The following TMPRSS15 variants were observed in gnomAD, a reference collection of about 807,000 sequenced individuals.
TMPRSS15 encodes enteropeptidase.
TMPRSS15 carries 128 observed loss-of-function variants against 125.3 expected under a neutral mutation model. That is an observed-to-expected ratio of 1.02 (90% CI 0.89 to 1.18). The LOEUF (loss-of-function observed/expected upper bound fraction) is 1.18, where lower values mean the gene tolerates loss of function less well. TMPRSS15 is among the 50% of genes most tolerant of loss of function. The pLI, the probability that TMPRSS15 is intolerant of heterozygous loss-of-function variation, is 0.00. For missense variants in TMPRSS15, 1,283 were observed against 1,212.7 expected (o/e 1.06, Z -0.86); for synonymous variants, 446 against 423.2 (o/e 1.05, Z -0.66).
At chr21:18,405,062 C>A (rs902759273), upstream of TMPRSS15, among the ~76,000 whole-genome samples, 1 of 152,006 alleles carries the variant, frequency 6.6e-6, no homozygotes, top group African/African-American at 2.4e-5. Context: ...TTTGGAAAGC[C>A]AAAGTGAAAG....
chr21:18,447,822 A>G (rs1215562975), intron 1 of TMPRSS15, among the ~76,000 whole-genome samples: 1 of 152,064 alleles, frequency 6.6e-6, no homozygotes, highest in African/African-American at 2.4e-5. Context: ...TCTTTTTTTC[A>G]TAAATTAGCT....
rs546974408 is a variant in TMPRSS15, at chr21:18,443,819, G to T, written c.10+41980C>A. Among the ~76,000 whole-genome samples the T allele has an allele frequency of 2.0e-5, 3 of 152,312 alleles. No homozygotes were observed. In the South Asian group the frequency reaches 6.2e-4, roughly 32 times the overall value. On this transcript the variant is annotated intron_variant, in intron 1 of 7. Coordinates refer to the TMPRSS15 transcript ENST00000422787. The stretch of plus-strand genomic sequence containing the variant: ...TGACACCGGTAGACAAGCAGGCAAT[G>T]CTTTCTAGAGCTTCCAGCTAGCAGT...
At chr21:18,273,274 T>C (rs1294506307) in intron 24 of TMPRSS15, among the ~76,000 whole-genome samples, 2 of 152,208 alleles carry the variant, frequency 1.3e-5, no homozygotes, top group African/African-American at 4.8e-5. Context: ...TCTTTGCCAC[T>C]GTAAGGCTAA....
chr21:18,358,020 A>T (rs2075642387), intron 8 of TMPRSS15, among the ~76,000 whole-genome samples: 4 of 151,770 alleles, frequency 2.6e-5, no homozygotes. Flanking sequence ...TTATAATATA[A>T]CTACATATTC....
At chr21:18,454,819 T>A (rs1294354863) in intron 1 of TMPRSS15, among the ~76,000 whole-genome samples, 1 of 152,192 alleles carries the variant, frequency 6.6e-6, no homozygotes, top group African/African-American at 2.4e-5. Context: ...AAAGCTAATC[T>A]ATTCCAGAAA....
At chr21:18,436,853 TGGCC>T (rs1275574838) in intron 1 of TMPRSS15, among the ~76,000 whole-genome samples, 1 of 4,490 alleles carries the variant, frequency 2.2e-4, no homozygotes, top group African/African-American at 2.4e-4. Context: ...ATCGTGAAAA[TGGCC>T]ATACTGCGGA....
At chr21:18,345,657 C>T (rs1324632202) in intron 10 of TMPRSS15, among the ~76,000 whole-genome samples, 3 of 135,836 alleles carry the variant, frequency 2.2e-5, no homozygotes, top group Middle Eastern at 4.1e-3. Flanking sequence ...AGGAGAATGA[C>T]GTGAACCCGG....
rs149657353 is a variant in TMPRSS15, at chr21:18,358,398, C to T, written c.880+1359G>A. Among the ~76,000 whole-genome samples, 1,239 of 151,936 alleles carry T rather than the reference C, an allele frequency of 8.2e-3. 17 individuals carry two copies. The highest frequency in any genetic ancestry group is 0.028 in the African/African-American group (1,181 of 41,502). On this transcript the variant is annotated intron_variant, in intron 8 of 24. Transcript: ENST00000284885. ...AATATATGGTAAAGTTTATTAATGT[C>T]ACATTAGTCTTTGGAAATATTTATA...
chr21:18,374,495 A>AAAG (rs1333124326), intron 5 of TMPRSS15, among the ~76,000 whole-genome samples: 7 of 150,850 alleles, frequency 4.6e-5, no homozygotes, highest in African/African-American at 1.7e-4. Context: ...AAAAAAAAAA[A>AAAG]AAAAAAAAAG....
intron 21 of TMPRSS15, among the ~76,000 whole-genome samples, chr21:18,291,564 G>C (rs1326996317): frequency 1.3e-5 from 2 of 152,184 alleles, no homozygotes; most frequent in African/African-American, 4.8e-5. Flanking sequence ...TAACTTGCTT[G>C]ATCTGAGTTA....
intron 16 of TMPRSS15, among the ~76,000 whole-genome samples, chr21:18,323,621 C>T (rs924686996): frequency 2.6e-5 from 4 of 152,112 alleles, no homozygotes; most frequent in Admixed American, 6.6e-5. Context: ...TAAATCTAAT[C>T]CCTTATCTGT....
intron 8 of TMPRSS15, among the ~76,000 whole-genome samples, chr21:18,355,409 C>G (rs1397548333): frequency 6.6e-6 from 1 of 151,760 alleles, no homozygotes; most frequent in African/African-American, 2.4e-5. Flanking sequence ...ACCTTGAATT[C>G]CATTAACCTG....
In TMPRSS15 at chr21:18,365,181, T is replaced by C. The variant is rs879401921; in HGVS notation, c.732A>G (p.Pro244=). 1.9e-6 allele frequency: 3 copies of C among 1,614,134 alleles called. No individual in the cohort carries two copies. Among genetic ancestry groups the C allele is most frequent in the African/African-American group, 1.3e-5 (1 of 75,036 alleles). The change falls in exon 7 of 25, where the codon CCA becomes CCG. Residue 244 remains proline (P), a synonymous_variant. Transcript: ENST00000284885. ...SSGSFQATHY[P]KPSETSVVCQ... ...AGACAACACTTGTTTCAGAAGGTTT[T>C]GGATAATGAGTAGCCTGGAAAGACC...
Position 18,327,763 on chromosome 21 carries a change from T to C in TMPRSS15, c.1781-1191A>G, listed in dbSNP as rs1027233257. Among the ~76,000 whole-genome samples the C allele has an allele frequency of 5.3e-5, 8 of 152,220 alleles. No homozygotes were observed. In the East Asian group the frequency reaches 1.3e-3, roughly 26 times the overall value. ...TGTGGGAGGGCGATAAAACACTTTT[T>C]AGTTGTGCCATGTCATTCATCAAAA... On this transcript the variant is annotated intron_variant, in intron 15 of 24. Coordinates refer to ENST00000284885, the MANE Select transcript of TMPRSS15 (RefSeq NM_002772.3).
chr21:18,298,993 G>A (rs1437513523), intron 18 of TMPRSS15, among the ~76,000 whole-genome samples: 1 of 152,088 alleles, frequency 6.6e-6, no homozygotes, highest in Non-Finnish European at 1.5e-5. Context: ...CGTAGAGCTG[G>A]GACAATAGAT....
chr21:18,394,146 C>T (rs939916879), intron 3 of TMPRSS15, among the ~76,000 whole-genome samples: 24 of 152,148 alleles, frequency 1.6e-4, no homozygotes, highest in Non-Finnish European at 3.1e-4. Flanking sequence ...TGATTCTACC[C>T]TCCCCTTGTG....
chr21:18,377,739 GC>G (rs1183395811), intron 5 of TMPRSS15, among the ~76,000 whole-genome samples: 1 of 152,002 alleles, frequency 6.6e-6, no homozygotes, highest in African/African-American at 2.4e-5. Flanking sequence ...AGTGTACACT[GC>G]CCCCCATTTC....
At chr21:18,300,526 G>T (rs1171331263) in intron 18 of TMPRSS15, among the ~76,000 whole-genome samples, 2 of 151,732 alleles carry the variant, frequency 1.3e-5, no homozygotes, top group African/African-American at 4.8e-5. Flanking sequence ...TGTATTTTTA[G>T]TAGAGAGGGT....
At position 18,319,542 on chromosome 21, in the gene TMPRSS15, C is replaced by T. The variant is rs1302292454; in HGVS notation, c.1922-4286G>A. Among the ~76,000 whole-genome samples the T allele has an allele frequency of 2.0e-5, 3 of 151,376 alleles. No individual in the cohort carries two copies. The South Asian group carries it at 6.2e-4, about 32-fold the overall frequency. On this transcript the variant is annotated intron_variant, in intron 16 of 24. Transcript: ENST00000284885. ...CTCCCGGGTTCAAGTGATTCTCCTG[C>T]CTCAGCCTCCCAAGTAGCTGGGATT...
Sources: allele counts gnomAD v4.1 joint callset (sites outside exome capture counted in the v4.1 genomes callset), GRCh38; gene constraint gnomAD v4.1.1; transcripts MANE v1.5; gene names NCBI Gene and HGNC (gene_info 2026-07-23, HGNC 2026-07-21).